The following B3GALT5 variants were observed in gnomAD, a reference collection of about 807,000 sequenced individuals.
B3GALT5 encodes beta-1,3-galactosyltransferase 5, also known as UDP-Gal:betaGlcNAc beta 1,3-galactosyltransferase, polypeptide 5.
For missense variants in B3GALT5, 328 were observed against 396.6 expected (o/e 0.83, Z 1.47); for synonymous variants, 156 against 158.6 (o/e 0.98, Z 0.12).
At chr21:39,643,354 G>T (rs1327038937) in intron 1 of B3GALT5, among the ~76,000 whole-genome samples, 2 of 151,288 alleles carry the variant, frequency 1.3e-5, no homozygotes, top group Non-Finnish European at 2.9e-5. Flanking sequence ...GGAGGTGGAG[G>T]CTGCAGTGAG....
intron 2 of B3GALT5, among the ~76,000 whole-genome samples, chr21:39,649,809 G>GTAGC (rs1199576593): frequency 6.6e-6 from 1 of 152,194 alleles, no homozygotes; most frequent in African/African-American, 2.4e-5. Flanking sequence ...TAGAAGACAA[G>GTAGC]GAACTGATCA....
chr21:39,616,010 A>T (rs2079105603), intron 1 of B3GALT5, among the ~76,000 whole-genome samples: 1 of 152,218 alleles, frequency 6.6e-6, no homozygotes, highest in Non-Finnish European at 1.5e-5. Flanking sequence ...TATTGTGAGC[A>T]AGGGCAGAAT....
At chr21:39,658,839 C>T (rs575531451) in intron 2 of B3GALT5, among the ~76,000 whole-genome samples, 7 of 146,288 alleles carry the variant, frequency 4.8e-5, no homozygotes, top group African/African-American at 1.3e-4. Flanking sequence ...CCCTGGAGAG[C>T]GAGCTGGTTC....
intron 1 of B3GALT5, among the ~76,000 whole-genome samples, chr21:39,614,108 C>T (rs1054945698): frequency 6.6e-6 from 1 of 152,126 alleles, no homozygotes; most frequent in African/African-American, 2.4e-5. Flanking sequence ...TGTAGGAAGT[C>T]TTCGGAGGGG....
chr21:39,635,691 G>A (rs553630194), intron 1 of B3GALT5, among the ~76,000 whole-genome samples: 16 of 152,208 alleles, frequency 1.1e-4, no homozygotes, highest in Admixed American at 5.9e-4. Flanking sequence ...TGTTGGTCAG[G>A]CTGGTCTCGA....
intron 1 of B3GALT5, among the ~76,000 whole-genome samples, chr21:39,623,098 C>CCCTT (rs2079142649): frequency 7.2e-6 from 1 of 139,488 alleles, no homozygotes; most frequent in South Asian, 2.6e-4. Context: ...ATCCTTCCTT[C>CCCTT]CCTCCCTCCT....
chr21:39,631,724 A>C (rs1440286473), intron 1 of B3GALT5, among the ~76,000 whole-genome samples: 2 of 152,260 alleles, frequency 1.3e-5, no homozygotes, highest in African/African-American at 4.8e-5. Context: ...CCTGTATCCA[A>C]GTCACTTTCA....
chr21:39,613,678 G>A (rs2079092577), intron 1 of B3GALT5, among the ~76,000 whole-genome samples: 1 of 152,196 alleles, frequency 6.6e-6, no homozygotes, highest in South Asian at 2.1e-4. Context: ...GTGTGTGAGT[G>A]CGTGTGTGTG....
chr21:39,645,213 G>A (rs1474167616), intron 1 of B3GALT5, among the ~76,000 whole-genome samples: 2 of 152,120 alleles, frequency 1.3e-5, no homozygotes, highest in Admixed American at 1.3e-4. Context: ...CACAGGCAGC[G>A]GGCATATAAA....
rs1338014672 is a variant in B3GALT5 at position 39,666,975 on chromosome 21, T to G, written c.*5483T>G. ...TCTGTCCTCCACTTGACATTTGGAG[T>G]AATTTTTTAAAACAGCAAATCTGAT... is the stretch of plus-strand genomic sequence containing the variant. On this transcript the variant is annotated 3_prime_UTR_variant, in exon 4 of 4. Transcript: ENST00000684187. The G allele has an allele frequency of 6.6e-6, 1 of 152,112 alleles. No homozygotes were observed. The highest frequency in any genetic ancestry group is 1.5e-5 in the Non-Finnish European group (1 of 68,028). 9.4% of individuals were successfully genotyped at this position (152,112 alleles called of 1,614,324 possible).
At chr21:39,645,896 C>T (rs1307176308) in intron 1 of B3GALT5, among the ~76,000 whole-genome samples, 1 of 151,340 alleles carries the variant, frequency 6.6e-6, no homozygotes, top group Admixed American at 6.6e-5. Context: ...AACAAAGGTC[C>T]CCACATTAAA....
In B3GALT5 at chr21:39,660,682, C is replaced by T. The variant is rs143695643; in HGVS notation, c.123C>T (p.Asp41=). Residue 41 remains aspartate, a synonymous_variant, in exon 4 of 4, where the codon GAC becomes GAT. Transcript: ENST00000684187. ...AACAGTCCTTTGTTTACAAGAAAGA[C>T]GGGAACTTCCTTAAGCTCCCAGATA... ...FKEQSFVYKK[D]GNFLKLPDTD... The T allele has an allele frequency of 1.0e-4, 155 of 1,556,904 alleles. No homozygotes were observed. Among genetic ancestry groups the T allele is most frequent in the East Asian group, 1.1e-4 (5 of 44,378 alleles).
In B3GALT5 at chr21:39,661,251, A is replaced by G. The variant is rs562740278; in HGVS notation, c.692A>G (p.Asn231Ser). 7.4e-6 allele frequency: 12 copies of G among 1,614,170 alleles called. No individual in the cohort carries two copies. Among genetic ancestry groups the G allele is most frequent in the East Asian group, 4.5e-5 (2 of 44,878 alleles). ...FSGDVASQVY[N>S]VSKSVPYIKL... Reference sequence around the variant, plus strand: ...GGCGACGTGGCGAGTCAGGTGTACAATGTCTCCAAGAGCGTCCCATACATT... The same window carrying G: ...GGCGACGTGGCGAGTCAGGTGTACAGTGTCTCCAAGAGCGTCCCATACATT... The change falls in exon 4 of 4, where the codon AAT (asparagine) becomes AGT (serine). Residue 231 changes from asparagine (N) to serine (S), a missense_variant. Coordinates refer to ENST00000684187, the MANE Select transcript of B3GALT5 (RefSeq NM_001356336.2). This position sits in a 1 kb window ranked among gnomAD's most constrained non-coding sequence, Gnocchi z 4.7.
At position 39,659,825 on chromosome 21, in the gene B3GALT5, A is replaced by C; in HGVS notation, c.-88A>C. The C allele has an allele frequency of 2.0e-6, 2 of 984,948 alleles. No individual in the cohort carries two copies. Among genetic ancestry groups the C allele is most frequent in the Non-Finnish European group, 2.4e-6 (2 of 829,780 alleles). The allele number at this position is 984,948 out of a possible 1,614,324, so 61.0% of individuals were successfully genotyped here. On this transcript the variant is annotated 5_prime_UTR_variant, in exon 3 of 4. Coordinates refer to ENST00000684187, the MANE Select transcript of B3GALT5 (RefSeq NM_001356336.2). ...ACCTGATAATTATGGAGCATTCTAC[A>C]CTGACAGTTCTTTGAGACAAATTTC...
intron 1 of B3GALT5, among the ~76,000 whole-genome samples, chr21:39,637,629 C>T (rs1472485016): frequency 1.3e-5 from 2 of 152,230 alleles, no homozygotes; most frequent in Non-Finnish European, 2.9e-5. Flanking sequence ...AGCAGGACTG[C>T]TCCCAGCTGT....
rs1259833752 is a variant in B3GALT5, at chr21:39,658,040, G to A, written c.-160-1713G>A. The A allele has an allele frequency of 1.3e-5, 9 of 689,762 alleles. No homozygotes were observed. The East Asian group carries it at 3.1e-4, about 24-fold the overall frequency. The allele number at this position is 689,762 out of a possible 1,614,324, so 42.7% of individuals were successfully genotyped here. ...AGGCTGCCCTTTCCAGGCTCTGTCT[G>A]CTGGTGCTGCAGGTGCCCCTACCTC... is the stretch of plus-strand genomic sequence containing the variant. On this transcript the variant is annotated intron_variant, in intron 2 of 3. Transcript: ENST00000684187.
At chr21:39,653,833 A>T (rs946564910) in intron 2 of B3GALT5, among the ~76,000 whole-genome samples, 1 of 152,098 alleles carries the variant, frequency 6.6e-6, no homozygotes, top group Non-Finnish European at 1.5e-5. Context: ...ACCATTCCTT[A>T]TATATGGTTG....
intron 1 of B3GALT5, among the ~76,000 whole-genome samples, chr21:39,631,834 G>A (rs934308690): frequency 6.6e-6 from 1 of 152,204 alleles, no homozygotes; most frequent in Non-Finnish European, 1.5e-5. Context: ...GGGGATGCTG[G>A]TGAAGCCTAC....
At chr21:39,642,785 CA>C (rs2079300412) in intron 1 of B3GALT5, among the ~76,000 whole-genome samples, 1 of 150,768 alleles carries the variant, frequency 6.6e-6, no homozygotes, top group Non-Finnish European at 1.5e-5. Context: ...CCTGTAATCC[CA>C]GCACATTGGG....
Sources: allele counts gnomAD v4.1 joint callset (sites outside exome capture counted in the v4.1 genomes callset), GRCh38; gene constraint gnomAD v4.1.1; non-coding constraint Gnocchi (gnomAD v3.1); transcripts MANE v1.5; gene names NCBI Gene and HGNC (gene_info 2026-07-23, HGNC 2026-07-21).